Variants in RNF40 observed in about 807,000 individuals in gnomAD.
RNF40 encodes ring finger protein 40, also known as E3 ubiquitin-protein ligase BRE1B.
A neutral mutation model predicts 123.3 loss-of-function variants in RNF40; 39 were observed. The observed-to-expected ratio is 0.32, with a 90% CI of 0.24 to 0.41. The LOEUF (loss-of-function observed/expected upper bound fraction) is 0.41, where lower values mean the gene tolerates loss of function less well. RNF40 is among the 10% of genes least tolerant of loss of function. The pLI is 1.00. For synonymous variants in RNF40, 538 were observed against 526.0 expected, an observed-to-expected ratio of 1.02 and a Z score of -0.31; for missense variants, 1,003 against 1,319.9, an observed-to-expected ratio of 0.76 and a Z score of 3.72.
chr16:30,762,264 C>A, upstream of RNF40: 1 of 441,890 alleles, frequency 2.3e-6, no homozygotes, highest in Admixed American at 4.4e-5. Flanking sequence ...GGCGCCTGCG[C>A]CCTGCGCACC....
In RNF40 at chr16:30,768,755, T is replaced by G; in HGVS notation, c.2097+19T>G. 1.9e-6 allele frequency: 3 copies of G among 1,613,818 alleles called. No homozygotes were observed. The highest frequency in any genetic ancestry group is 2.5e-6 in the Non-Finnish European group (3 of 1,179,954). ...GGCCGAGGTGAGGGCAGCTGGGGCT[T>G]GTGGGGCATTCAGAAAGGCAGAGCA... is the stretch of plus-strand genomic sequence containing the variant. On this transcript the variant is annotated intron_variant, in intron 14 of 19. Coordinates refer to ENST00000324685, the MANE Select transcript of RNF40 (RefSeq NM_014771.4). The surrounding 1 kb of genome is among the most constrained non-coding windows in gnomAD (Gnocchi z 4.1).
At position 30,763,456 on chromosome 16, in the gene RNF40, G is replaced by C. The variant is rs765188561; in HGVS notation, c.339G>C (p.Glu113Asp). 36 of 1,611,062 alleles carry C rather than the reference G, an allele frequency of 2.2e-5. No individual in the cohort carries two copies. The highest frequency in any genetic ancestry group is 8.9e-5 in the East Asian group (4 of 44,894). ...TGGAAGCCCTTCTCCGATGCCATGA[G>C]AGCCAGGGGGAGCTGTCTTCAGCGC... ...ETVEALLRCH[E>D]SQGELSSAPE... is the part of the protein sequence containing the mutation. Residue 113 changes from glutamate to aspartate, a missense_variant, in exon 4 of 20, where the codon GAG becomes GAC. Transcript: ENST00000324685.
Position 30,771,894 on chromosome 16 carries a change from G to C in RNF40, c.2648G>C (p.Arg883Pro), listed in dbSNP as rs749466208. ...LKVQLEHVQT[R>P]LREIQPCLAE... is the part of the protein sequence containing the mutation. ...GTGCAGCTGGAGCACGTGCAGACTCGGCTGCGGGAGATCCAGCCCTGCCTG... is the reference window on the plus strand; with the variant it reads ...GTGCAGCTGGAGCACGTGCAGACTCCGCTGCGGGAGATCCAGCCCTGCCTG... Residue 883 changes from arginine to proline, a missense_variant, in exon 18 of 20, where the codon CGG (arginine) becomes CCG (proline). By Grantham distance (103) the Arg-to-Pro change is moderately radical. Around this residue, in one of 11 missense-constraint regions of RNF40, gnomAD observed 121 missense variants for 125.3 expected, o/e 0.97. Coordinates refer to ENST00000324685, the MANE Select transcript of RNF40 (RefSeq NM_014771.4). 6.2e-7 allele frequency: 1 copy of C among 1,609,654 alleles called. No individual in the cohort carries two copies. The highest frequency in any genetic ancestry group is 1.1e-5 in the South Asian group (1 of 90,654).
At chr16:30,773,012 G>C (rs2054174192) in intron 19 of RNF40, among the ~76,000 whole-genome samples, 1 of 152,132 alleles carries the variant, frequency 6.6e-6, no homozygotes, top group Non-Finnish European at 1.5e-5. Context: ...GAAACTAGGT[G>C]GATAGTTAGT....
chr16:30,761,663 C>A (rs775198063), upstream of RNF40: 50 of 1,535,794 alleles, frequency 3.3e-5, no homozygotes, highest in Non-Finnish European at 4.3e-5. Context: ...GCGATCCTTC[C>A]CCGCTTCCCG....
At position 30,766,811 on chromosome 16, in the gene RNF40, T is replaced by G. The variant is rs1307206174; in HGVS notation, c.1364T>G (p.Val455Gly). ...VIQLEDTLAQ[V>G]RKEYEMLRIE... ...CAGCTGGAGGACACGCTGGCCCAGG[T>G]ACGCAAGGAGTATGAGATGCTGCGC... The change falls in exon 11 of 20, where the codon GTA becomes GGA. Residue 455 changes from valine to glycine, a missense_variant. Physicochemically the swap from Val to Gly is moderately radical, Grantham distance 109. This residue lies in a region of RNF40 where 274 missense variants were observed against 356.9 expected (regional missense o/e 0.77). Coordinates refer to ENST00000324685, the MANE Select transcript of RNF40 (RefSeq NM_014771.4). The surrounding 1 kb of genome is among the most constrained non-coding windows in gnomAD (Gnocchi z 5.4). The G allele has an allele frequency of 6.2e-7, 1 of 1,614,004 alleles. No homozygotes were observed.
rs916249503 is a variant in RNF40, at chr16:30,769,498, G to T, written c.2484G>T (p.Val828=). Residue 828 remains valine, a synonymous_variant, in exon 17 of 20, where the codon GTG becomes GTT. Coordinates refer to ENST00000324685, the MANE Select transcript of RNF40 (RefSeq NM_014771.4). ...AGGTGGATGCCCAGCTGCTGACTGT[G>T]CAGAAGCTAGAGGAGAAGGAGCGAG... ...KSQVDAQLLT[V]QKLEEKERAL... is the part of the protein sequence containing the mutation. The T allele has an allele frequency of 6.2e-7, 1 of 1,613,808 alleles. No homozygotes were observed. The highest frequency in any genetic ancestry group is 1.3e-5 in the African/African-American group (1 of 74,924).
Position 30,764,211 on chromosome 16 carries a change from A to G in RNF40, c.475A>G (p.Ser159Gly), listed in dbSNP as rs1472791460. The G allele has an allele frequency of 1.2e-6, 2 of 1,611,388 alleles. No individual in the cohort carries two copies. Among genetic ancestry groups the G allele is most frequent in the Admixed American group, 1.7e-5 (1 of 59,676 alleles). ...PLLMQLRPPL[S>G]EPALAFVVAL... The stretch of plus-strand genomic sequence containing the variant: ...GCTGATGCAGCTGCGGCCCCCTCTC[A>G]GTGAGCCGGCCTTGGCTTTTGTGGT... The change falls in exon 5 of 20, where the codon AGT becomes GGT. Residue 159 changes from serine to glycine, a missense_variant. Physicochemically the swap from Ser to Gly is moderately conservative, Grantham distance 56. Around this residue, in one of 11 missense-constraint regions of RNF40, gnomAD observed 104 missense variants for 85.2 expected, o/e 1.22. Coordinates refer to ENST00000324685, the MANE Select transcript of RNF40 (RefSeq NM_014771.4).
Position 30,762,374 on chromosome 16 carries a change from C to A in RNF40, c.-72+14C>A. On this transcript the variant is annotated intron_variant, in intron 1 of 19. Coordinates refer to ENST00000324685, the MANE Select transcript of RNF40 (RefSeq NM_014771.4). ...ACCCTCCTGCTGGTGAGGGCTCTGG[C>A]GCCGGGGGGGACGGGATCCAGCAGG... The A allele has an allele frequency of 1.5e-6, 1 of 664,218 alleles. No homozygotes were observed. Among genetic ancestry groups the A allele is most frequent in the Non-Finnish European group, 2.3e-6 (1 of 427,970 alleles). 41.1% of individuals were successfully genotyped at this position (664,218 alleles called of 1,614,324 possible).
In RNF40 at chr16:30,775,223, G is replaced by T; in HGVS notation, c.*1109G>T. 5.9e-6 allele frequency: 2 copies of T among 339,550 alleles called. No individual in the cohort carries two copies. Among genetic ancestry groups the T allele is most frequent in the South Asian group, 4.4e-5 (2 of 45,428 alleles). The allele number at this position is 339,550 out of a possible 1,614,324, so 21.0% of individuals were successfully genotyped here. A position where few individuals can be genotyped will look rare whatever the true frequency, so the allele number is the denominator to read the frequency against. ...AGCCAGGCCGCGCACCCCAAATGTAGTCCCCCGATTTTAGCTGCAGCAGCT... is the reference window on the plus strand; with the variant it reads ...AGCCAGGCCGCGCACCCCAAATGTATTCCCCCGATTTTAGCTGCAGCAGCT... On this transcript the variant is annotated 3_prime_UTR_variant, in exon 20 of 20. Transcript: ENST00000324685.
At chr16:30,771,737 C>A (rs2054151489) in intron 17 of RNF40, 96 bp from the exon 18 acceptor site, 1 of 1,412,136 alleles carries the variant, frequency 7.1e-7, no homozygotes, top group Admixed American at 2.4e-5. Context: ...GCAGGTGTCA[C>A]TGGGGCCCTG....
At chr16:30,761,848 G>C, upstream of RNF40, 3 of 1,168,486 alleles carry the variant, frequency 2.6e-6, no homozygotes, top group Non-Finnish European at 3.5e-6. Flanking sequence ...GGGCCCGTTC[G>C]CCTCGCTCCG....
At chr16:30,761,732 G>T, upstream of RNF40, 1 of 1,525,348 alleles carries the variant, frequency 6.6e-7, no homozygotes, top group Admixed American at 2.0e-5. Context: ...AAAGTGGCTG[G>T]TCTTGCGGTT....
Position 30,762,352 on chromosome 16 carries a change from C to T in RNF40, c.-80C>T, listed in dbSNP as rs2053864256. The T allele has an allele frequency of 7.1e-6, 4 of 566,284 alleles. No individual in the cohort carries two copies. The highest frequency in any genetic ancestry group is 7.9e-5 in the Admixed American group (2 of 25,318). 35.1% of individuals were successfully genotyped at this position (566,284 alleles called of 1,614,324 possible). A position where few individuals can be genotyped will look rare whatever the true frequency, so the allele number is the denominator to read the frequency against. On this transcript the variant is annotated 5_prime_UTR_variant, in exon 1 of 20. Coordinates refer to ENST00000324685, the MANE Select transcript of RNF40 (RefSeq NM_014771.4). The stretch of plus-strand genomic sequence containing the variant: ...CCAAGATGGCGGCGCTAGGCTGACC[C>T]TCCTGCTGGTGAGGGCTCTGGCGCC...
rs548522437 is a variant in RNF40 at position 30,763,107 on chromosome 16, T to G, written c.133-11T>G. 6.2e-7 allele frequency: 1 copy of G among 1,613,366 alleles called. No individual in the cohort carries two copies. Among genetic ancestry groups the G allele is most frequent in the Admixed American group, 1.7e-5 (1 of 60,016 alleles). On this transcript the variant is annotated splice_polypyrimidine_tract_variant and intron_variant, in intron 2 of 19. Coordinates refer to ENST00000324685, the MANE Select transcript of RNF40 (RefSeq NM_014771.4). ...TGACGCTCTCGTCGGCCCCTTTGTT[T>G]CCTTTGGTAGGAGGAGATGGACCTG...
Position 30,763,463 on chromosome 16 carries a change from G to T in RNF40, c.346G>T (p.Gly116Trp). The T allele has an allele frequency of 6.2e-7, 1 of 1,612,462 alleles. No individual in the cohort carries two copies. Among genetic ancestry groups the T allele is most frequent in the Non-Finnish European group, 8.5e-7 (1 of 1,179,332 alleles). ...EALLRCHESQ[G>W]ELSSAPEAPG... ...CCTTCTCCGATGCCATGAGAGCCAG[G>T]GGGAGCTGTCTTCAGCGCCTGAGGC... Residue 116 changes from glycine to tryptophan, a missense_variant, in exon 4 of 20, where the codon GGG becomes TGG. By Grantham distance (184) the Gly-to-Trp change is radical. This residue lies in a region of RNF40 where 104 missense variants were observed against 85.2 expected (regional missense o/e 1.22). Coordinates refer to ENST00000324685, the MANE Select transcript of RNF40 (RefSeq NM_014771.4).
At chr16:30,764,476 A>C (rs762540266) in intron 5 of RNF40, 91 bp downstream of exon 5, 49 of 1,143,208 alleles carry the variant, frequency 4.3e-5, no homozygotes, top group Non-Finnish European at 5.7e-5. Context: ...CCCGAGTCCA[A>C]GGGCGGCCAG....
At position 30,762,379 on chromosome 16, in the gene RNF40, G is replaced by C. The variant is rs892209530; in HGVS notation, c.-72+19G>C. On this transcript the variant is annotated intron_variant, in intron 1 of 19. Transcript: ENST00000324685. ...CCTGCTGGTGAGGGCTCTGGCGCCG[G>C]GGGGGACGGGATCCAGCAGGTGTGT... is the stretch of plus-strand genomic sequence containing the variant. 1.7e-5 allele frequency: 12 copies of C among 691,842 alleles called. No homozygotes were observed. The highest frequency in any genetic ancestry group is 1.0e-4 in the East Asian group (3 of 30,012). 42.9% of individuals were successfully genotyped at this position (691,842 alleles called of 1,614,324 possible).
intron 17 of RNF40, 73 bp downstream of exon 17, chr16:30,769,673 C>T (rs113205969): frequency 0.015 from 21,474 of 1,439,784 alleles, 212 homozygotes; most frequent in Middle Eastern, 0.03. Context: ...CTGCTCAGAG[C>T]ACCCGATGCA....
Sources: allele counts gnomAD v4.1 joint callset (sites outside exome capture counted in the v4.1 genomes callset), GRCh38; gene constraint gnomAD v4.1.1; regional missense constraint gnomAD v4.1.1; non-coding constraint Gnocchi (gnomAD v3.1); transcripts MANE v1.5; gene names NCBI Gene and HGNC (gene_info 2026-07-23, HGNC 2026-07-21).